Variants in SCHIP1 observed in about 807,000 individuals in gnomAD.
SCHIP1 encodes schwannomin-interacting protein 1.
SCHIP1 carries 8 observed loss-of-function variants against 29.7 expected under a neutral mutation model. The ratio of observed to expected loss-of-function variants is 0.27; its 90% CI spans 0.16 to 0.49. The LOEUF (loss-of-function observed/expected upper bound fraction) is 0.49. SCHIP1 is among the 20% of genes least tolerant of loss of function. The probability of loss-of-function intolerance (pLI) is 0.99; values close to 1 mark genes in which losing one functional copy is unlikely to be tolerated. For missense variants in SCHIP1, 193 were observed against 294.6 expected, an observed-to-expected ratio of 0.66 and a Z score of 2.52; for synonymous variants, 76 against 94.9, an observed-to-expected ratio of 0.80 and a Z score of 1.16.
the SCHIP1 span, among the ~76,000 whole-genome samples, chr3:159,468,125 A>C: frequency 6.6e-6 from 1 of 152,126 alleles, no homozygotes; most frequent in Admixed American, 6.6e-5. Context: ...TAATTCTCAG[A>C]TTTATCATAG....
the SCHIP1 span, among the ~76,000 whole-genome samples, chr3:159,304,786 C>T: frequency 2.0e-5 from 3 of 152,116 alleles, no homozygotes; most frequent in Admixed American, 6.5e-5. Context: ...TGTCTATATC[C>T]TCAATTCTCA....
chr3:159,543,540 C>CATG, the SCHIP1 span, among the ~76,000 whole-genome samples: 4 of 151,216 alleles, frequency 2.6e-5, no homozygotes, highest in African/African-American at 7.3e-5. Flanking sequence ...CTACAAAGGA[C>CATG]ATGAACTCAT....
the SCHIP1 span, among the ~76,000 whole-genome samples, chr3:159,479,488 C>T: frequency 3.9e-5 from 6 of 152,212 alleles, no homozygotes; most frequent in South Asian, 1.2e-3. Context: ...CAAAGGCTGT[C>T]AATTTTTTCA....
At chr3:159,675,996 T>C in the SCHIP1 span, among the ~76,000 whole-genome samples, 4 of 152,076 alleles carry the variant, frequency 2.6e-5, no homozygotes, top group African/African-American at 9.7e-5. Flanking sequence ...CCAGGCGTGG[T>C]GGCAGGTGTC....
the SCHIP1 span, among the ~76,000 whole-genome samples, chr3:159,449,405 G>A: frequency 6.6e-6 from 1 of 152,090 alleles, no homozygotes; most frequent in Non-Finnish European, 1.5e-5. Context: ...TTTTATTAAA[G>A]CACTATTAAA....
the SCHIP1 span, among the ~76,000 whole-genome samples, chr3:159,479,818 A>C: frequency 1.3e-5 from 2 of 152,166 alleles, no homozygotes; most frequent in Non-Finnish European, 2.9e-5. Flanking sequence ...GTTGTTTGTG[A>C]ACTAATATGC....
chr3:159,769,020 AT>A, the SCHIP1 span, among the ~76,000 whole-genome samples: 2 of 152,134 alleles, frequency 1.3e-5, no homozygotes, highest in African/African-American at 4.8e-5. Context: ...TTCAAGGGCC[AT>A]AGATGGAGTA....
At chr3:159,757,928 C>T in the SCHIP1 span, among the ~76,000 whole-genome samples, 1 of 152,140 alleles carries the variant, frequency 6.6e-6, no homozygotes, top group African/African-American at 2.4e-5. Context: ...TGAAAATGTT[C>T]CTCTTTGATA....
At chr3:159,866,746 T>C (rs2109262664) in intron 2 of SCHIP1, among the ~76,000 whole-genome samples, 1 of 152,364 alleles carries the variant, frequency 6.6e-6, no homozygotes, top group Non-Finnish European at 1.5e-5. Flanking sequence ...TTACAGTTCT[T>C]AACCTGTCCT....
the SCHIP1 span, among the ~76,000 whole-genome samples, chr3:159,275,365 C>A: frequency 6.6e-6 from 1 of 152,188 alleles, no homozygotes; most frequent in East Asian, 1.9e-4. Flanking sequence ...AAACTGTATC[C>A]ATTTGCAGCC....
the SCHIP1 span, among the ~76,000 whole-genome samples, chr3:159,727,214 G>A: frequency 6.6e-6 from 1 of 152,228 alleles, no homozygotes; most frequent in African/African-American, 2.4e-5. Context: ...GATGTGAGCA[G>A]CTTAAAATTC....
At chr3:159,399,941 G>A in the SCHIP1 span, among the ~76,000 whole-genome samples, 3 of 152,170 alleles carry the variant, frequency 2.0e-5, no homozygotes, top group African/African-American at 4.8e-5. Context: ...GCCTCCCGAA[G>A]TGCTGAGATT....
chr3:159,596,115 A>C, the SCHIP1 span, among the ~76,000 whole-genome samples: 1 of 152,212 alleles, frequency 6.6e-6, no homozygotes, highest in East Asian at 1.9e-4. Context: ...AAAATCAAAC[A>C]ACCCCATCCA....
chr3:159,378,517 A>C, the SCHIP1 span, among the ~76,000 whole-genome samples: 1 of 152,174 alleles, frequency 6.6e-6, no homozygotes, highest in Non-Finnish European at 1.5e-5. Context: ...GCACAGACAA[A>C]AGCTCTTTAA....
the SCHIP1 span, among the ~76,000 whole-genome samples, chr3:159,582,164 T>G: frequency 6.6e-6 from 1 of 152,016 alleles, no homozygotes; most frequent in South Asian, 2.1e-4. Flanking sequence ...TTGTTGGGTT[T>G]TTTTGTTTTT....
chr3:159,316,778 A>G, the SCHIP1 span, among the ~76,000 whole-genome samples: 5 of 152,266 alleles, frequency 3.3e-5, no homozygotes, highest in Admixed American at 6.5e-5. Context: ...TATGAAGTCA[A>G]TAAATCTTAC....
chr3:159,691,792 CTGG>C, the SCHIP1 span, among the ~76,000 whole-genome samples: 1 of 152,030 alleles, frequency 6.6e-6, no homozygotes, highest in Non-Finnish European at 1.5e-5. Flanking sequence ...TAAGGTAGGC[CTGG>C]TGGTGACAAA....
the SCHIP1 span, among the ~76,000 whole-genome samples, chr3:159,409,685 A>G: frequency 6.6e-6 from 1 of 152,164 alleles, no homozygotes; most frequent in Non-Finnish European, 1.5e-5. Context: ...AGAAGAATCA[A>G]TATTGTTAAA....
the SCHIP1 span, among the ~76,000 whole-genome samples, chr3:159,476,389 A>C: frequency 3.3e-5 from 5 of 152,138 alleles, no homozygotes. Context: ...TTTATTCTAT[A>C]ATGTCTTAAA....
Sources: gnomAD v4.1 joint callset for allele counts (sites outside exome capture counted in the v4.1 genomes callset) on GRCh38, gnomAD v4.1.1 for gene constraint, MANE v1.5 for transcripts, NCBI Gene and HGNC (gene_info 2026-07-23, HGNC 2026-07-21) for gene names.